The following NDST3 variants were observed in gnomAD, a reference collection of about 807,000 sequenced individuals.
The protein encoded by NDST3 is bifunctional heparan sulfate N-deacetylase/N-sulfotransferase 3.
Under a neutral mutation model 96.1 loss-of-function variants are expected in NDST3, and 58 were observed. That is an observed-to-expected ratio of 0.60 (90% confidence interval 0.49 to 0.75). The LOEUF is 0.75. NDST3 is among the 30% of genes least tolerant of loss of function. The pLI is 0.00. For synonymous variants in NDST3, 333 were observed against 359.7 expected, an observed-to-expected ratio of 0.93 and a Z score of 0.84; for missense variants, 788 against 1,034.2, an observed-to-expected ratio of 0.76 and a Z score of 3.27.
intron 12 of NDST3, among the ~76,000 whole-genome samples, chr4:118,245,999 A>G (rs1741290395): frequency 6.6e-6 from 1 of 152,176 alleles, no homozygotes; most frequent in South Asian, 2.1e-4. Context: ...AACCACAGAA[A>G]AACAATACTG....
intron 12 of NDST3, among the ~76,000 whole-genome samples, chr4:118,248,615 C>T (rs1035388569): frequency 4.6e-5 from 7 of 152,180 alleles, no homozygotes; most frequent in African/African-American, 1.4e-4. Context: ...GGACACTAAA[C>T]AATATATGAA....
chr4:118,054,228 T>TTTG lies in NDST3; in HGVS notation c.318_319insTTG (p.Tyr106_His107insLeu). Reference sequence around the variant, plus strand: ...TTCTAGAATCAAGTAGATTCCAGTATCACATTGAAATTGCCCCTGGAAAGG... The same window carrying TTTG: ...TTCTAGAATCAAGTAGATTCCAGTATTTGCACATTGAAATTGCCCCTGGAAAGG... On this transcript the variant is annotated inframe_insertion, in exon 2 of 14. Transcript: ENST00000296499. 1 of 1,612,888 alleles carries TTTG rather than the reference T, an allele frequency of 6.2e-7. No homozygotes were observed. Among genetic ancestry groups the TTTG allele is most frequent in the Non-Finnish European group, 8.5e-7 (1 of 1,179,370 alleles).
At chr4:118,097,701 T>G (rs978948530) in intron 2 of NDST3, among the ~76,000 whole-genome samples, 4 of 152,008 alleles carry the variant, frequency 2.6e-5, no homozygotes, top group African/African-American at 9.7e-5. Flanking sequence ...ATCAAATGTT[T>G]TCTAATTACT....
intron 2 of NDST3, among the ~76,000 whole-genome samples, chr4:118,103,082 G>A (rs1339920419): frequency 6.6e-6 from 1 of 151,994 alleles, no homozygotes; most frequent in Non-Finnish European, 1.5e-5. Flanking sequence ...CTTATATATA[G>A]TTTTTCTTAT....
chr4:118,193,673 T>C lies in NDST3; in HGVS notation c.1540-30818T>C, dbSNP rs190449622. ...CTTCTGGAAGTCAGCCTGTGCCAGT[T>C]CAAAGTCATTCACAGCCAGGTGGGC... On this transcript the variant is annotated intron_variant, in intron 6 of 13. Transcript: ENST00000296499. 1.4e-5 allele frequency: 18 copies of C among 1,320,092 alleles called. No individual in the cohort carries two copies. In the East Asian group the frequency reaches 3.9e-4, roughly 29 times the overall value. The allele number at this position is 1,320,092 out of a possible 1,614,324, so 81.8% of individuals were successfully genotyped here.
intron 12 of NDST3, among the ~76,000 whole-genome samples, chr4:118,245,820 C>T (rs555206818): frequency 3.9e-5 from 6 of 152,018 alleles, no homozygotes; most frequent in South Asian, 4.2e-4. Context: ...CAATGTGATA[C>T]GTACAATTAG....
chr4:118,210,621 CA>C (rs1442015968), intron 6 of NDST3, among the ~76,000 whole-genome samples: 1 of 151,866 alleles, frequency 6.6e-6, no homozygotes, highest in Non-Finnish European at 1.5e-5. Flanking sequence ...ACTAAAAATA[CA>C]AAAATTAGCT....
At chr4:118,122,540 T>C (rs1299177751) in intron 4 of NDST3, among the ~76,000 whole-genome samples, 1 of 152,154 alleles carries the variant, frequency 6.6e-6, no homozygotes, top group African/African-American at 2.4e-5. Flanking sequence ...TTTCCATCTC[T>C]ACTTCACTTC....
intron 5 of NDST3, among the ~76,000 whole-genome samples, chr4:118,138,513 C>T (rs1219591209): frequency 6.6e-6 from 1 of 152,112 alleles, no homozygotes; most frequent in African/African-American, 2.4e-5. Context: ...ATTTAACTTG[C>T]AGATAATTTT....
At chr4:118,064,892 C>T (rs929031966) in intron 2 of NDST3, among the ~76,000 whole-genome samples, 4 of 152,226 alleles carry the variant, frequency 2.6e-5, no homozygotes, top group Middle Eastern at 3.4e-3. Context: ...TTCTAGATTC[C>T]GCACACATTC....
intron 2 of NDST3, among the ~76,000 whole-genome samples, chr4:118,066,167 T>TTAC (rs1726346970): frequency 4.8e-5 from 1 of 20,914 alleles, no homozygotes; most frequent in African/African-American, 1.0e-4. Flanking sequence ...TATTATATAT[T>TTAC]ATATTTTATA....
chr4:118,170,991 C>A (rs1474085138), intron 6 of NDST3, among the ~76,000 whole-genome samples: 1 of 152,158 alleles, frequency 6.6e-6, no homozygotes, highest in Non-Finnish European at 1.5e-5. Context: ...CAAAGCTTAC[C>A]TCTCTGATTT....
In NDST3 at chr4:118,224,481, C is replaced by G. The variant is rs147570094; in HGVS notation, c.1540-10C>G. On this transcript the variant is annotated splice_polypyrimidine_tract_variant and intron_variant, in intron 6 of 13. Transcript: ENST00000296499. The stretch of plus-strand genomic sequence containing the variant: ...TGTTATTTACACTGAAGTTCATTTG[C>G]TTTTTTCAGATCAGCATTTTCATGA... 1.3e-6 allele frequency: 2 copies of G among 1,591,758 alleles called. No individual in the cohort carries two copies. The highest frequency in any genetic ancestry group is 1.7e-6 in the Non-Finnish European group (2 of 1,167,462).
chr4:118,058,825 A>G (rs925868243), intron 2 of NDST3, among the ~76,000 whole-genome samples: 9 of 152,082 alleles, frequency 5.9e-5, no homozygotes, highest in Admixed American at 3.3e-4. Flanking sequence ...TTTGTTTTAC[A>G]TGAAAGCACT....
intron 6 of NDST3, among the ~76,000 whole-genome samples, chr4:118,197,207 T>C (rs1737752659): frequency 6.6e-6 from 1 of 152,192 alleles, no homozygotes; most frequent in Non-Finnish European, 1.5e-5. Flanking sequence ...GAGAATGTGC[T>C]TGATATGATT....
chr4:118,144,986 C>T (rs1316153746), intron 6 of NDST3, among the ~76,000 whole-genome samples: 1 of 152,072 alleles, frequency 6.6e-6, no homozygotes, highest in African/African-American at 2.4e-5. Context: ...TGGACAAAAC[C>T]TGCTCGTGTA....
chr4:118,171,507 T>G (rs1287291588), intron 6 of NDST3, among the ~76,000 whole-genome samples: 3 of 149,786 alleles, frequency 2.0e-5, no homozygotes, highest in Non-Finnish European at 2.9e-5. Flanking sequence ...TCCACTGGGG[T>G]TTTTTTGTCT....
At chr4:118,061,223 C>G (rs1234994544) in intron 2 of NDST3, among the ~76,000 whole-genome samples, 1 of 152,130 alleles carries the variant, frequency 6.6e-6, no homozygotes, top group Non-Finnish European at 1.5e-5. Context: ...TTCTTTCTCC[C>G]TAAAGTGTCC....
chr4:118,118,635 T>C (rs952088943), intron 4 of NDST3, among the ~76,000 whole-genome samples: 3 of 152,196 alleles, frequency 2.0e-5, no homozygotes, highest in Non-Finnish European at 4.4e-5. Context: ...AAACTTGCAT[T>C]TGATGATTAC....
Sources: gnomAD v4.1 joint callset for allele counts (sites outside exome capture counted in the v4.1 genomes callset) on GRCh38, gnomAD v4.1.1 for gene constraint, MANE v1.5 for transcripts, NCBI Gene and HGNC (gene_info 2026-07-23, HGNC 2026-07-21) for gene names.